The following FRAS1 variants were observed in gnomAD, a reference collection of about 807,000 sequenced individuals.
FRAS1 encodes the protein extracellular matrix organizing protein FRAS1.
Under a neutral mutation model 435.2 loss-of-function variants are expected in FRAS1, and 290 were observed. The ratio of observed to expected loss-of-function variants is 0.67; its 90% CI spans 0.61 to 0.73. The LOEUF (loss-of-function observed/expected upper bound fraction) is 0.73, where lower values mean the gene tolerates loss of function less well. FRAS1 is among the 30% of genes least tolerant of loss of function. The probability of loss-of-function intolerance (pLI) is 0.00; values close to 1 mark genes in which losing one functional copy is unlikely to be tolerated. For missense variants in FRAS1, 4,860 were observed against 5,001.5 expected (o/e 0.97, Z 0.85); for synonymous variants, 1,800 against 1,851.0 (o/e 0.97, Z 0.71).
intron 69 of FRAS1, 127 bp from the exon 70 acceptor site, chr4:78,526,414 G>A (rs1455765043): frequency 1.0e-5 from 6 of 601,454 alleles, no homozygotes; most frequent in Admixed American, 3.2e-5. Context: ...TTGCAGACTT[G>A]TAAAGTTCTT....
chr4:78,452,074 C>T, intron 46 of FRAS1, 101 bp from the exon 47 acceptor site: 1 of 1,335,592 alleles, frequency 7.5e-7, no homozygotes. Context: ...AACACACAGG[C>T]CTAGAGATGA....
intron 20 of FRAS1, among the ~76,000 whole-genome samples, chr4:78,357,317 C>T (rs1730893827): frequency 6.6e-6 from 1 of 152,176 alleles, no homozygotes; most frequent in African/African-American, 2.4e-5. Flanking sequence ...CCTCAGTGTC[C>T]ACCATGTTTT....
At chr4:78,177,532 T>G (rs1721826922) in intron 2 of FRAS1, among the ~76,000 whole-genome samples, 1 of 152,192 alleles carries the variant, frequency 6.6e-6, no homozygotes, top group South Asian at 2.1e-4. Context: ...GTTAAAATTG[T>G]TCTCTCATTG....
intron 17 of FRAS1, among the ~76,000 whole-genome samples, 199 bp from the exon 18 acceptor site, chr4:78,318,611 A>G (rs1003954983): frequency 2.0e-5 from 3 of 152,000 alleles, no homozygotes; most frequent in African/African-American, 7.3e-5. Flanking sequence ...GACCTGGGAG[A>G]TGTGACTGGT....
At chr4:78,120,537 C>A (rs1239789786) in intron 2 of FRAS1, among the ~76,000 whole-genome samples, 1 of 152,210 alleles carries the variant, frequency 6.6e-6, no homozygotes, top group Admixed American at 6.5e-5. Flanking sequence ...TTAGCTCTGA[C>A]TTGTTCTCCA....
At chr4:78,478,702 A>G (rs541881812) in intron 55 of FRAS1, among the ~76,000 whole-genome samples, 69 of 152,302 alleles carry the variant, frequency 4.5e-4, no homozygotes, top group South Asian at 2.7e-3. Flanking sequence ...GCACAACAAG[A>G]CTGTAAATGA....
intron 2 of FRAS1, among the ~76,000 whole-genome samples, chr4:78,099,986 A>G (rs927043470): frequency 6.6e-6 from 1 of 152,182 alleles, no homozygotes; most frequent in Non-Finnish European, 1.5e-5. Context: ...CTGGTGTTGA[A>G]TGGGGAAGAC....
At chr4:78,489,555 C>A (rs1217534124) in intron 59 of FRAS1, among the ~76,000 whole-genome samples, 2 of 152,104 alleles carry the variant, frequency 1.3e-5, no homozygotes, top group Admixed American at 6.6e-5. Flanking sequence ...TGCACCCATG[C>A]AGTTTGAACC....
chr4:78,342,338 C>T (rs776903303), intron 20 of FRAS1, among the ~76,000 whole-genome samples: 3 of 152,164 alleles, frequency 2.0e-5, no homozygotes, highest in African/African-American at 7.2e-5. Flanking sequence ...GTCCAGTAAC[C>T]TCAGTGTGTC....
At position 78,265,215 on chromosome 4, in the gene FRAS1, C is replaced by G. The variant is rs1162093489; in HGVS notation, c.687+107C>G. 3 of 640,530 alleles carry G rather than the reference C, an allele frequency of 4.7e-6. No individual in the cohort carries two copies. The African/African-American group carries it at 5.5e-5, about 12-fold the overall frequency. The allele number at this position is 640,530 out of a possible 1,614,324, so 39.7% of individuals were successfully genotyped here. A position where few individuals can be genotyped will look rare whatever the true frequency, so the allele number is the denominator to read the frequency against. Reference sequence around the variant, plus strand: ...TCACCACCCTCATGTCTGACTCTGCCAGGAATAGTAACTCAGTACATAAAC... The same window carrying G: ...TCACCACCCTCATGTCTGACTCTGCGAGGAATAGTAACTCAGTACATAAAC... On this transcript the variant is annotated intron_variant, in intron 7 of 73. Transcript: ENST00000512123.
intron 2 of FRAS1, chr4:78,071,953 A>G (rs1181673391): frequency 1.3e-5 from 2 of 152,092 alleles, no homozygotes; most frequent in African/African-American, 2.4e-5. Flanking sequence ...TTGTTTGTTT[A>G]TATAATTTGA....
intron 9 of FRAS1, among the ~76,000 whole-genome samples, chr4:78,269,063 A>T (rs1382989557): frequency 6.6e-6 from 1 of 152,210 alleles, no homozygotes; most frequent in Non-Finnish European, 1.5e-5. Context: ...CCAGAATTGA[A>T]ATTTTAACCA....
chr4:78,185,194 T>C (rs979897076), intron 2 of FRAS1, among the ~76,000 whole-genome samples: 1 of 152,236 alleles, frequency 6.6e-6, no homozygotes, highest in African/African-American at 2.4e-5. Context: ...GCTCCTGTTG[T>C]ATCTTGTGTA....
At chr4:78,103,815 A>G (rs370160522) in intron 2 of FRAS1, among the ~76,000 whole-genome samples, 21 of 152,352 alleles carry the variant, frequency 1.4e-4, no homozygotes, top group African/African-American at 5.1e-4. Flanking sequence ...AACTATGAGA[A>G]ATAAATTTCT....
chr4:78,539,492 T>TAA, intron 73 of FRAS1, 52 bp downstream of exon 73: 1 of 1,305,388 alleles, frequency 7.7e-7, no homozygotes, highest in Non-Finnish European at 1.0e-6. Flanking sequence ...CTTTAAAGCT[T>TAA]GAAAAAAAAA....
chr4:78,234,204 AC>A (rs1274742853), intron 2 of FRAS1, among the ~76,000 whole-genome samples: 1 of 151,990 alleles, frequency 6.6e-6, no homozygotes, highest in Non-Finnish European at 1.5e-5. Flanking sequence ...GTTTTTCCTC[AC>A]CTTCTTGTTT....
At chr4:78,468,485 A>ACAT (rs11267487) in intron 50 of FRAS1, among the ~76,000 whole-genome samples, 5,215 of 150,216 alleles carry the variant, frequency 0.035, 279 homozygotes, top group African/African-American at 0.12. Context: ...GAAGCTGTAA[A>ACAT]CATCATCATC....
At chr4:78,122,743 T>C (rs1309779225) in intron 2 of FRAS1, among the ~76,000 whole-genome samples, 3 of 152,242 alleles carry the variant, frequency 2.0e-5, no homozygotes, top group African/African-American at 7.2e-5. Context: ...ATGAGCCTTT[T>C]TTCATATGTC....
intron 59 of FRAS1, among the ~76,000 whole-genome samples, chr4:78,493,617 G>C (rs767537068): frequency 3.4e-4 from 52 of 152,022 alleles, no homozygotes; most frequent in South Asian, 2.1e-4. Flanking sequence ...AGAACACATG[G>C]ACCCAGGGAG....
Sources: allele counts gnomAD v4.1 joint callset (sites outside exome capture counted in the v4.1 genomes callset), GRCh38; gene constraint gnomAD v4.1.1; transcripts MANE v1.5; gene names NCBI Gene and HGNC (gene_info 2026-07-23, HGNC 2026-07-21).